DYM: variants seen among roughly 807,000 people sequenced by gnomAD.
The protein encoded by DYM is dymeclin, also known as dyggve-Melchior-Clausen syndrome protein.
DYM carries 78 observed loss-of-function variants against 93.1 expected under a neutral mutation model. The observed-to-expected ratio is 0.84, with a 90% CI of 0.70 to 1.01. DYM has a LOEUF of 1.01. Among genes scored for constraint, DYM ranks in the 50% least tolerant of loss-of-function variants. The pLI, the probability that DYM is intolerant of heterozygous loss-of-function variation, is 0.00. For synonymous variants in DYM, 321 were observed against 319.7 expected (o/e 1.00, Z -0.04); for missense variants, 789 against 845.0 (o/e 0.93, Z 0.82).
intron 1 of DYM, among the ~76,000 whole-genome samples, chr18:49,442,703 C>T (rs1007199219): frequency 2.0e-5 from 3 of 152,086 alleles, no homozygotes; most frequent in African/African-American, 7.2e-5. Context: ...CCTACTATGT[C>T]CCCAGTCACC....
At chr18:49,421,011 G>T (rs117319635) in intron 2 of DYM, among the ~76,000 whole-genome samples, 1 of 152,104 alleles carries the variant, frequency 6.6e-6, no homozygotes, top group Non-Finnish European at 1.5e-5. Context: ...CAAAGCAGCC[G>T]GGAAGCCCAA....
intron 8 of DYM, 140 bp from the exon 9 acceptor site, chr18:49,286,756 A>G (rs2059693303): frequency 2.5e-6 from 2 of 811,786 alleles, no homozygotes; most frequent in Admixed American, 2.1e-5. Flanking sequence ...TATACATTTC[A>G]CAAGGCCAGA....
chr18:49,098,247 T>C (rs914341722), intron 16 of DYM, among the ~76,000 whole-genome samples: 2 of 152,260 alleles, frequency 1.3e-5, no homozygotes, highest in Admixed American at 6.5e-5. Flanking sequence ...TTTAGGTGTT[T>C]ATAGTCAGAC....
chr18:49,267,198 T>C (rs2094584230), intron 11 of DYM, among the ~76,000 whole-genome samples: 1 of 124,272 alleles, frequency 8.0e-6, no homozygotes, highest in Non-Finnish European at 2.0e-5. Flanking sequence ...AAGGTAACTT[T>C]TTAAAAAAAA....
intron 15 of DYM, among the ~76,000 whole-genome samples, chr18:49,142,216 T>A (rs527887541): frequency 6.6e-6 from 1 of 152,248 alleles, no homozygotes; most frequent in East Asian, 1.9e-4. Flanking sequence ...TTCCATATTT[T>A]GCTTCTGCAT....
intron 14 of DYM, among the ~76,000 whole-genome samples, chr18:49,169,624 G>C (rs1209567831): frequency 6.6e-6 from 1 of 152,160 alleles, no homozygotes; most frequent in African/African-American, 2.4e-5. Context: ...TCAGCAGTAA[G>C]GATGGCAGAT....
At chr18:49,350,202 G>A (rs913835898) in intron 6 of DYM, among the ~76,000 whole-genome samples, 3 of 152,090 alleles carry the variant, frequency 2.0e-5, no homozygotes, top group Non-Finnish European at 4.4e-5. Context: ...TTATGTACAT[G>A]AATATTCATT....
intron 13 of DYM, among the ~76,000 whole-genome samples, chr18:49,220,344 G>C (rs999757719): frequency 2.0e-5 from 3 of 148,760 alleles, no homozygotes; most frequent in African/African-American, 7.4e-5. Flanking sequence ...GTAATTTACA[G>C]ATTCAATGCC....
intron 8 of DYM, among the ~76,000 whole-genome samples, chr18:49,287,690 A>G (rs1322725926): frequency 6.6e-6 from 1 of 151,816 alleles, no homozygotes; most frequent in Non-Finnish European, 1.5e-5. Context: ...TAAAAATACA[A>G]AAAAATTAGC....
chr18:49,295,097 C>T (rs973418316), intron 8 of DYM, among the ~76,000 whole-genome samples: 12 of 152,144 alleles, frequency 7.9e-5, no homozygotes, highest in Non-Finnish European at 1.0e-4. Flanking sequence ...AGCATTAAAA[C>T]GACTGCATAT....
intron 14 of DYM, among the ~76,000 whole-genome samples, chr18:49,178,294 G>C (rs2089592666): frequency 6.6e-6 from 1 of 152,074 alleles, no homozygotes; most frequent in Admixed American, 6.6e-5. Flanking sequence ...TGACCAAAAA[G>C]AGAAAAATGG....
chr18:49,201,299 A>G (rs1300810228), intron 14 of DYM, among the ~76,000 whole-genome samples: 1 of 152,186 alleles, frequency 6.6e-6, no homozygotes, highest in Non-Finnish European at 1.5e-5. Context: ...ATGTTCTCTC[A>G]ATATCATACT....
intron 14 of DYM, among the ~76,000 whole-genome samples, chr18:49,198,038 G>C (rs2091636384): frequency 6.6e-6 from 1 of 152,126 alleles, no homozygotes; most frequent in Admixed American, 6.5e-5. Flanking sequence ...CAGAGATATA[G>C]ACCAATGGAA....
chr18:49,148,525 T>G (rs1216167093), intron 15 of DYM, among the ~76,000 whole-genome samples: 1 of 152,078 alleles, frequency 6.6e-6, no homozygotes, highest in Non-Finnish European at 1.5e-5. Context: ...CCCAAATTGC[T>G]AGATTACAGG....
At chr18:49,196,309 T>C (rs915337376) in intron 14 of DYM, among the ~76,000 whole-genome samples, 1 of 152,148 alleles carries the variant, frequency 6.6e-6, no homozygotes, top group Non-Finnish European at 1.5e-5. Flanking sequence ...TGAAAAGTGG[T>C]CATTAGTAGA....
intron 6 of DYM, among the ~76,000 whole-genome samples, chr18:49,361,164 A>T (rs12457663): frequency 0.095 from 14,416 of 152,192 alleles, 889 homozygotes; most frequent in East Asian, 0.31. Context: ...ATGTCATGCA[A>T]GTGTCTGCTG....
At chr18:49,264,468 T>G (rs2094539013) in intron 11 of DYM, among the ~76,000 whole-genome samples, 1 of 152,162 alleles carries the variant, frequency 6.6e-6, no homozygotes, top group South Asian at 2.1e-4. Flanking sequence ...CAATTCTTTT[T>G]TCTTTCATCA....
At chr18:49,394,439 A>G (rs548921596) in intron 2 of DYM, among the ~76,000 whole-genome samples, 1 of 152,180 alleles carries the variant, frequency 6.6e-6, no homozygotes, top group South Asian at 2.1e-4. Flanking sequence ...ATTGCTTTGT[A>G]GTATATTTTG....
chr18:49,285,105 G>A (rs538049734), intron 9 of DYM, among the ~76,000 whole-genome samples: 4 of 152,302 alleles, frequency 2.6e-5, no homozygotes, highest in South Asian at 4.1e-4. Flanking sequence ...ACCTGCCGGT[G>A]CCTGCATCTT....
Sources: allele counts gnomAD v4.1 joint callset (sites outside exome capture counted in the v4.1 genomes callset), GRCh38; gene constraint gnomAD v4.1.1; transcripts MANE v1.5; gene names NCBI Gene and HGNC (gene_info 2026-07-23, HGNC 2026-07-21).